MARCHF1: variants seen among roughly 807,000 people sequenced by gnomAD.
The protein encoded by MARCHF1 is E3 ubiquitin-protein ligase MARCHF1.
A neutral mutation model predicts 54.2 loss-of-function variants in MARCHF1; 40 were observed. That is an observed-to-expected ratio of 0.74 (90% CI 0.57 to 0.96). MARCHF1 has a LOEUF of 0.96. MARCHF1 is among the 40% of genes least tolerant of loss of function. MARCHF1 has a pLI of 0.00. For missense variants in MARCHF1, 586 were observed against 656.5 expected, an observed-to-expected ratio of 0.89 and a Z score of 1.17; for synonymous variants, 236 against 236.3, an observed-to-expected ratio of 1.00 and a Z score of 0.01.
chr4:163,912,619 C>CT (rs758255669), intron 3 of MARCHF1, among the ~76,000 whole-genome samples: 16 of 152,282 alleles, frequency 1.1e-4, no homozygotes, highest in African/African-American at 3.8e-4. Context: ...TTCCTAGTTT[C>CT]TACTCAATTA....
chr4:164,180,009 C>A (rs1209818920), intron 1 of MARCHF1, among the ~76,000 whole-genome samples: 1 of 150,082 alleles, frequency 6.7e-6, no homozygotes, highest in Non-Finnish European at 1.5e-5. Flanking sequence ...GGTTCATTCA[C>A]CACTGACTCT....
intron 4 of MARCHF1, among the ~76,000 whole-genome samples, chr4:163,749,754 G>A (rs1207410184): frequency 1.3e-5 from 2 of 151,954 alleles, no homozygotes; most frequent in African/African-American, 2.4e-5. Flanking sequence ...CTTAACAGTG[G>A]CTATCTCAGT....
intron 3 of MARCHF1, among the ~76,000 whole-genome samples, chr4:163,873,168 C>T (rs1750215289): frequency 6.6e-6 from 1 of 152,154 alleles, no homozygotes; most frequent in African/African-American, 2.4e-5. Context: ...AGCTAATGAA[C>T]AATCTCTCTC....
intron 1 of MARCHF1, among the ~76,000 whole-genome samples, chr4:164,139,539 G>T (rs1756476341): frequency 6.6e-6 from 1 of 151,686 alleles, no homozygotes; most frequent in Admixed American, 6.6e-5. Context: ...AAAGAGAAAG[G>T]ACAACCTTCT....
At chr4:163,610,150 T>C (rs1478047745) in intron 7 of MARCHF1, among the ~76,000 whole-genome samples, 2 of 152,042 alleles carry the variant, frequency 1.3e-5, no homozygotes, top group African/African-American at 4.8e-5. Context: ...AAATCTTTCT[T>C]CAAATCCTGC....
At chr4:164,100,908 C>T (rs1315639491) in intron 2 of MARCHF1, among the ~76,000 whole-genome samples, 2 of 152,122 alleles carry the variant, frequency 1.3e-5, no homozygotes, top group South Asian at 2.1e-4. Flanking sequence ...GGTGCGCGCA[C>T]AGTGCGCGAG....
intron 2 of MARCHF1, among the ~76,000 whole-genome samples, chr4:163,989,309 G>C: frequency 6.6e-6 from 1 of 151,384 alleles, no homozygotes; most frequent in Non-Finnish European, 1.5e-5. Context: ...GAGAGAGAGA[G>C]AGAGAAAAGA....
At chr4:163,905,352 A>T (rs1291830616) in intron 3 of MARCHF1, among the ~76,000 whole-genome samples, 2 of 152,134 alleles carry the variant, frequency 1.3e-5, no homozygotes, top group Non-Finnish European at 2.9e-5. Flanking sequence ...CCACATATGA[A>T]TCTAGAACAA....
intron 1 of MARCHF1, among the ~76,000 whole-genome samples, chr4:164,284,350 G>A (rs1022422784): frequency 4.0e-5 from 6 of 150,234 alleles, no homozygotes; most frequent in Non-Finnish European, 8.8e-5. Flanking sequence ...GAGAGAGAGA[G>A]AGAGAGAGAG....
intron 2 of MARCHF1, among the ~76,000 whole-genome samples, chr4:164,055,860 T>C (rs1034238987): frequency 4.6e-5 from 7 of 152,206 alleles, no homozygotes; most frequent in African/African-American, 1.2e-4. Context: ...TCTTGAAGAT[T>C]TTATTAGATT....
chr4:164,073,502 G>A (rs866483611), intron 2 of MARCHF1, among the ~76,000 whole-genome samples: 2 of 152,010 alleles, frequency 1.3e-5, no homozygotes, highest in South Asian at 2.1e-4. Flanking sequence ...GTCAGGGAGT[G>A]GGGGGCAGGG....
Position 164,176,969 on chromosome 4 carries a change from T to TCC in MARCHF1, c.-322-65308_-322-65307insGG, listed in dbSNP as rs1186478300. ...CTCTCTCTCTCTCTCTCTCTCTCTC[T>TCC]CTCTCTCTCTCTATATATATATATA... is the stretch of plus-strand genomic sequence containing the variant. On this transcript the variant is annotated intron_variant, in intron 1 of 9. Coordinates refer to ENST00000514618, the MANE Select transcript of MARCHF1 (RefSeq NM_001394959.1). 3.4e-4 allele frequency among the ~76,000 whole-genome samples: 15 copies of TCC among 43,742 alleles called. 1 individual carries two copies. Among genetic ancestry groups the TCC allele is most frequent in the Non-Finnish European group, 4.2e-4 (10 of 23,776 alleles). 28.7% of individuals were successfully genotyped at this position (43,742 alleles called of 152,430 possible).
chr4:163,714,395 A>T (rs923184726), intron 4 of MARCHF1, among the ~76,000 whole-genome samples: 1 of 152,242 alleles, frequency 6.6e-6, no homozygotes, highest in African/African-American at 2.4e-5. Flanking sequence ...CTGGCCACTC[A>T]CTGTCCATAA....
At chr4:164,276,967 G>A (rs1560984684) in intron 1 of MARCHF1, among the ~76,000 whole-genome samples, 1 of 126,396 alleles carries the variant, frequency 7.9e-6, no homozygotes, top group East Asian at 2.3e-4. Context: ...GAGAGAGAGA[G>A]ACAGAGAGAG....
At chr4:163,796,956 T>C (rs763380472) in intron 4 of MARCHF1, among the ~76,000 whole-genome samples, 2 of 152,128 alleles carry the variant, frequency 1.3e-5, no homozygotes, top group African/African-American at 2.4e-5. Context: ...AAAATAAGTA[T>C]TGATATCATT....
chr4:163,658,444 T>C (rs1270136656), intron 5 of MARCHF1, among the ~76,000 whole-genome samples: 1 of 152,034 alleles, frequency 6.6e-6, no homozygotes. Flanking sequence ...ACTTTTACAC[T>C]GTGGGTGGAA....
intron 1 of MARCHF1, among the ~76,000 whole-genome samples, chr4:164,116,255 CAT>C (rs1390401277): frequency 6.6e-6 from 1 of 152,084 alleles, no homozygotes; most frequent in Non-Finnish European, 1.5e-5. Context: ...TAGAAAATAG[CAT>C]ACTTTCCAAA....
At chr4:163,857,239 A>G (rs1269198207) in intron 3 of MARCHF1, among the ~76,000 whole-genome samples, 1 of 151,890 alleles carries the variant, frequency 6.6e-6, no homozygotes, top group Non-Finnish European at 1.5e-5. Context: ...TTTCAAAAAT[A>G]TTTTCTTTTT....
chr4:164,318,071 T>G (rs1735044584), intron 1 of MARCHF1, among the ~76,000 whole-genome samples: 1 of 152,124 alleles, frequency 6.6e-6, no homozygotes, highest in Non-Finnish European at 1.5e-5. Flanking sequence ...ATTGTTTAAT[T>G]TTTGTCTACC....
Sources: allele counts gnomAD v4.1 joint callset (sites outside exome capture counted in the v4.1 genomes callset), GRCh38; gene constraint gnomAD v4.1.1; transcripts MANE v1.5; gene names NCBI Gene and HGNC (gene_info 2026-07-23, HGNC 2026-07-21).